The following GRID1 variants were observed in gnomAD, a reference collection of about 807,000 sequenced individuals.
GRID1 encodes the protein glutamate receptor ionotropic, delta-1.
GRID1 carries 28 observed loss-of-function variants against 98.0 expected under a neutral mutation model. That is an observed-to-expected ratio of 0.29 (90% CI 0.21 to 0.39). GRID1 has a LOEUF of 0.39. GRID1 is among the 10% of genes least tolerant of loss of function. The pLI is 1.00. For missense variants in GRID1, 1,111 were observed against 1,340.5 expected, an observed-to-expected ratio of 0.83 and a Z score of 2.67; for synonymous variants, 553 against 538.5, an observed-to-expected ratio of 1.03 and a Z score of -0.37.
chr10:85,748,704 T>C (rs150817667), intron 8 of GRID1, among the ~76,000 whole-genome samples: 218 of 152,226 alleles, frequency 1.4e-3, no homozygotes, highest in African/African-American at 5.0e-3. Flanking sequence ...CGCTTTGAAA[T>C]TTATATTTCT....
intron 4 of GRID1, among the ~76,000 whole-genome samples, chr10:86,107,221 T>TTC (rs1333357328): frequency 1.3e-5 from 2 of 152,214 alleles, no homozygotes; most frequent in Admixed American, 6.5e-5. Context: ...AGGTGCCTTC[T>TTC]TCTCACTGCC....
intron 8 of GRID1, among the ~76,000 whole-genome samples, chr10:85,793,158 T>A (rs1319113855): frequency 6.6e-6 from 1 of 152,088 alleles, no homozygotes; most frequent in African/African-American, 2.4e-5. Flanking sequence ...TCCCAAAGGG[T>A]TCCATGATCC....
chr10:85,634,031 C>G (rs749000832), intron 13 of GRID1, among the ~76,000 whole-genome samples: 6 of 151,950 alleles, frequency 3.9e-5, no homozygotes, highest in Non-Finnish European at 8.8e-5. Flanking sequence ...ATTAGCCAGG[C>G]GTGGTGGTGC....
At chr10:86,343,607 G>A (rs928597985) in intron 2 of GRID1, among the ~76,000 whole-genome samples, 6 of 152,214 alleles carry the variant, frequency 3.9e-5, no homozygotes, top group Admixed American at 3.9e-4. Flanking sequence ...AGCTCTGCTG[G>A]GCATACACAG....
chr10:86,223,257 A>G (rs924791769), intron 2 of GRID1, among the ~76,000 whole-genome samples: 4 of 152,172 alleles, frequency 2.6e-5, no homozygotes, highest in Non-Finnish European at 4.4e-5. Context: ...TGCCCTGCGC[A>G]TGGAAGATGG....
intron 4 of GRID1, among the ~76,000 whole-genome samples, chr10:86,105,819 A>T (rs1307419029): frequency 1.3e-5 from 2 of 152,220 alleles, no homozygotes; most frequent in Non-Finnish European, 2.9e-5. Context: ...AAGCACGGGC[A>T]CTGTGCATGT....
rs879662112 is a variant in GRID1 at position 85,689,200 on chromosome 10, T to C, written c.1997+33803A>G. Among the ~76,000 whole-genome samples, 5 of 152,166 alleles carry C rather than the reference T, an allele frequency of 3.3e-5. No homozygotes were observed. In the East Asian group the frequency reaches 5.8e-4, roughly 18 times the overall value. The stretch of plus-strand genomic sequence containing the variant: ...TTCAAAAAATTACAACTTTGTAGAA[T>C]AGCAAATGTGCCATTTCTTTATAAG... On this transcript the variant is annotated intron_variant, in intron 12 of 15. Transcript: ENST00000327946.
At chr10:85,861,736 G>A (rs1194096363) in intron 6 of GRID1, among the ~76,000 whole-genome samples, 1 of 152,186 alleles carries the variant, frequency 6.6e-6, no homozygotes, top group African/African-American at 2.4e-5. Flanking sequence ...GGTATGGCTG[G>A]AACAAAGGCC....
intron 2 of GRID1, among the ~76,000 whole-genome samples, chr10:86,362,333 T>G (rs1848610501): frequency 6.6e-6 from 1 of 152,154 alleles, no homozygotes; most frequent in South Asian, 2.1e-4. Context: ...CAAGGAGCTG[T>G]GATAAGGGCA....
chr10:85,800,443 A>T (rs1297266131), intron 8 of GRID1, among the ~76,000 whole-genome samples: 2 of 152,100 alleles, frequency 1.3e-5, no homozygotes, highest in Non-Finnish European at 2.9e-5. Context: ...AAAATTTTAA[A>T]GTACTTGTAA....
chr10:85,802,715 CAA>C (rs36012086), intron 8 of GRID1, among the ~76,000 whole-genome samples: 1 of 149,196 alleles, frequency 6.7e-6, no homozygotes, highest in Non-Finnish European at 1.5e-5. Context: ...AATAAATATA[CAA>C]AAAAAAACTG....
At chr10:85,627,770 G>C (rs964532313) in intron 13 of GRID1, among the ~76,000 whole-genome samples, 10 of 152,172 alleles carry the variant, frequency 6.6e-5, no homozygotes, top group African/African-American at 2.4e-4. Context: ...GGTTGGGAGT[G>C]GGAAATTCCC....
At chr10:86,094,211 C>G (rs949482966) in intron 4 of GRID1, among the ~76,000 whole-genome samples, 2 of 152,156 alleles carry the variant, frequency 1.3e-5, no homozygotes, top group Admixed American at 1.3e-4. Flanking sequence ...GTAATAAAAG[C>G]CATCTATGAC....
At chr10:85,773,895 C>T (rs1160913406) in intron 8 of GRID1, among the ~76,000 whole-genome samples, 1 of 152,286 alleles carries the variant, frequency 6.6e-6, no homozygotes. Flanking sequence ...AATGGCCATA[C>T]TGCCCAAGGT....
chr10:86,312,312 T>C (rs1204174623), intron 2 of GRID1, among the ~76,000 whole-genome samples: 1 of 152,104 alleles, frequency 6.6e-6, no homozygotes, highest in Non-Finnish European at 1.5e-5. Context: ...CACTCTTTGG[T>C]CTCCCACCCC....
At chr10:86,269,685 C>T (rs1249655820) in intron 2 of GRID1, among the ~76,000 whole-genome samples, 4 of 152,222 alleles carry the variant, frequency 2.6e-5, no homozygotes, top group Non-Finnish European at 5.9e-5. Flanking sequence ...TGCTTTCACT[C>T]CCCTTTAGTC....
chr10:85,777,357 A>G (rs1267098675), intron 8 of GRID1, among the ~76,000 whole-genome samples: 1 of 152,204 alleles, frequency 6.6e-6, no homozygotes, highest in Non-Finnish European at 1.5e-5. Context: ...ATCCATTCAT[A>G]TCTTCTAGGA....
At chr10:85,710,792 A>G (rs1427761844) in intron 12 of GRID1, among the ~76,000 whole-genome samples, 4 of 152,112 alleles carry the variant, frequency 2.6e-5, no homozygotes, top group Non-Finnish European at 5.9e-5. Context: ...TCAATTAAAA[A>G]TAGACAAAGA....
intron 4 of GRID1, among the ~76,000 whole-genome samples, chr10:85,980,327 G>A (rs1031548210): frequency 6.6e-6 from 1 of 152,252 alleles, no homozygotes; most frequent in Non-Finnish European, 1.5e-5. Flanking sequence ...CCAGTGCTCA[G>A]TGTTTGTTAA....
Sources: gnomAD v4.1 joint callset for allele counts (sites outside exome capture counted in the v4.1 genomes callset) on GRCh38, gnomAD v4.1.1 for gene constraint, MANE v1.5 for transcripts, NCBI Gene and HGNC (gene_info 2026-07-23, HGNC 2026-07-21) for gene names.